The following SESTD1 variants were observed in gnomAD, a reference collection of about 807,000 sequenced individuals.
SESTD1 encodes SEC14 domain and spectrin repeat-containing protein 1.
SESTD1 carries 43 observed loss-of-function variants against 101.7 expected under a neutral mutation model. That is an observed-to-expected ratio of 0.42 (90% CI 0.33 to 0.55). The LOEUF (loss-of-function observed/expected upper bound fraction) is 0.55. SESTD1 is among the 20% of genes least tolerant of loss of function. The pLI is 0.07. For missense variants in SESTD1, 647 were observed against 815.1 expected (o/e 0.79, Z 2.51); for synonymous variants, 283 against 286.8 (o/e 0.99, Z 0.13).
chr2:179,255,909 C>A (rs1475071858), intron 1 of SESTD1, among the ~76,000 whole-genome samples: 1 of 152,166 alleles, frequency 6.6e-6, no homozygotes, highest in Non-Finnish European at 1.5e-5. Flanking sequence ...TGACTGAAAT[C>A]TACTCAGTCT....
chr2:179,163,678 A>G (rs1300354016), intron 5 of SESTD1, among the ~76,000 whole-genome samples: 1 of 152,008 alleles, frequency 6.6e-6, no homozygotes, highest in African/African-American at 2.4e-5. Flanking sequence ...ATAAAGCCCT[A>G]CATAAATATT....
In SESTD1 at chr2:179,215,178, C is replaced by CA. The variant is rs571297600; in HGVS notation, c.-25-23313dup. On this transcript the variant is annotated intron_variant, in intron 1 of 17. Transcript: ENST00000428443. Reference sequence around the variant, plus strand: ...GGAGATAGAGACACAAAAAAACCTTCAAAAAAATCAATGAATGCAGGAGCT... The same window carrying CA: ...GGAGATAGAGACACAAAAAAACCTTCAAAAAAAATCAATGAATGCAGGAGCT... Among the ~76,000 whole-genome samples, 375 of 134,032 alleles carry CA rather than the reference C, an allele frequency of 2.8e-3. 61 individuals carry two copies. The highest frequency in any genetic ancestry group is 4.7e-3 in the Admixed American group (65 of 13,814). The allele number at this position is 134,032 out of a possible 152,430, so 87.9% of individuals were successfully genotyped here.
rs2045111366 is a variant in SESTD1 at position 179,135,167 on chromosome 2, ACTCCTGAC to A, written c.850-2749_850-2742del. Reference sequence around the variant, plus strand: ...ACCATCTTGGCCAGGCTGGTCTCAAACTCCTGACCTCGTGATGCACCTGCCTCGGCCTC... The same window carrying A: ...ACCATCTTGGCCAGGCTGGTCTCAAACTCGTGATGCACCTGCCTCGGCCTC... On this transcript the variant is annotated intron_variant, in intron 9 of 17. Transcript: ENST00000428443. 2.0e-5 allele frequency among the ~76,000 whole-genome samples: 3 copies of A among 151,764 alleles called. No homozygotes were observed. The South Asian group carries it at 6.3e-4, about 32-fold the overall frequency.
chr2:179,217,581 G>T (rs1269878043), intron 1 of SESTD1, among the ~76,000 whole-genome samples: 1 of 152,110 alleles, frequency 6.6e-6, no homozygotes, highest in African/African-American at 2.4e-5. Context: ...ATTCCTCAAG[G>T]ATCTAGAACT....
At chr2:179,244,739 T>C (rs951981937) in intron 1 of SESTD1, among the ~76,000 whole-genome samples, 1 of 151,854 alleles carries the variant, frequency 6.6e-6, no homozygotes, top group African/African-American at 2.4e-5. Context: ...CAAAAAAAGG[T>C]AGTTAAGCAA....
intron 5 of SESTD1, 27 bp from the exon 6 acceptor site, chr2:179,151,418 C>T (rs1408240499): frequency 6.6e-7 from 1 of 1,519,590 alleles, no homozygotes. Context: ...AGAAAAGAAA[C>T]ATTTAGTAAC....
Position 179,215,793 on chromosome 2 carries a change from CTAT to C in SESTD1, c.-25-23930_-25-23928del, listed in dbSNP as rs576791991. Among the ~76,000 whole-genome samples, 30 of 135,284 alleles carry C rather than the reference CTAT, an allele frequency of 2.2e-4. 5 individuals carry two copies. In the South Asian group the frequency reaches 7.6e-3, roughly 34 times the overall value. The allele number at this position is 135,284 out of a possible 152,430, so 88.8% of individuals were successfully genotyped here. A position where few individuals can be genotyped will look rare whatever the true frequency, so the allele number is the denominator to read the frequency against. Reference sequence around the variant, plus strand: ...CAGCACATCAATAGCTAATCCACCACTATCAAGTTGGCTTCATCCCTGAGATGC... The same window carrying C: ...CAGCACATCAATAGCTAATCCACCACCAAGTTGGCTTCATCCCTGAGATGC... On this transcript the variant is annotated intron_variant, in intron 1 of 17. Coordinates refer to ENST00000428443, the MANE Select transcript of SESTD1 (RefSeq NM_178123.5).
chr2:179,115,280 A>T, intron 15 of SESTD1, 24 bp from the exon 16 acceptor site: 1 of 1,532,788 alleles, frequency 6.5e-7, no homozygotes, highest in Non-Finnish European at 8.8e-7. Flanking sequence ...GGAAACATAA[A>T]ATTGTAATAA....
intron 9 of SESTD1, among the ~76,000 whole-genome samples, chr2:179,132,990 A>G (rs982213454): frequency 6.6e-6 from 1 of 152,218 alleles, no homozygotes; most frequent in Non-Finnish European, 1.5e-5. Context: ...CTTCAAAAAT[A>G]AAATTAAAAA....
chr2:179,211,360 G>T (rs2046649089), intron 1 of SESTD1, among the ~76,000 whole-genome samples: 1 of 133,244 alleles, frequency 7.5e-6, no homozygotes, highest in South Asian at 2.8e-4. Flanking sequence ...AGCCAAAGAA[G>T]ACTAAGCAAA....
At chr2:179,197,633 G>A (rs2046423955) in intron 1 of SESTD1, among the ~76,000 whole-genome samples, 1 of 152,240 alleles carries the variant, frequency 6.6e-6, no homozygotes, top group South Asian at 2.1e-4. Context: ...CTACAAGCCA[G>A]AAGAGAGTGG....
At chr2:179,214,246 T>A (rs372288308) in intron 1 of SESTD1, among the ~76,000 whole-genome samples, 1 of 133,924 alleles carries the variant, frequency 7.5e-6, no homozygotes, top group Non-Finnish European at 1.6e-5. Context: ...ATCTCACATG[T>A]AGAGGCACAC....
At position 179,208,100 on chromosome 2, in the gene SESTD1, T is replaced by C. The variant is rs755574829; in HGVS notation, c.-25-16234A>G. Among the ~76,000 whole-genome samples the C allele has an allele frequency of 2.2e-5, 3 of 133,340 alleles. 1 individual carries two copies. Among genetic ancestry groups the C allele is most frequent in the African/African-American group, 5.9e-5 (2 of 33,734 alleles). 87.5% of individuals were successfully genotyped at this position (133,340 alleles called of 152,430 possible). On this transcript the variant is annotated intron_variant, in intron 1 of 17. Transcript: ENST00000428443. ...AAAATACACTGGAAAGTTCCAACAA[T>C]AGAATTGAACAAGTAGAAGAAAGGA...
At chr2:179,120,339 C>T (rs910915913) in intron 13 of SESTD1, among the ~76,000 whole-genome samples, 9 of 152,236 alleles carry the variant, frequency 5.9e-5, no homozygotes, top group Middle Eastern at 3.4e-3. Context: ...ATCCCGCAGG[C>T]GACACTAAGT....
chr2:179,168,185 T>C (rs1035166992), intron 5 of SESTD1, among the ~76,000 whole-genome samples: 1 of 152,174 alleles, frequency 6.6e-6, no homozygotes, highest in African/African-American at 2.4e-5. Flanking sequence ...CTCCACTTCC[T>C]CTTCCTCCTC....
intron 1 of SESTD1, among the ~76,000 whole-genome samples, chr2:179,226,744 A>G (rs972466208): frequency 5.3e-5 from 8 of 152,218 alleles, no homozygotes; most frequent in African/African-American, 1.9e-4. Flanking sequence ...AGTCAATAAA[A>G]CCAAAATAGT....
At position 179,107,855 on chromosome 2, in the gene SESTD1, T is replaced by A. The variant is rs1432647231; in HGVS notation, c.*2044A>T. On this transcript the variant is annotated 3_prime_UTR_variant, in exon 18 of 18. Coordinates refer to ENST00000428443, the MANE Select transcript of SESTD1 (RefSeq NM_178123.5). ...GATAGCACCATCATGAAGACTGAAATAAATAATCACAAAAGTTCATACTCA... is the reference window on the plus strand; with the variant it reads ...GATAGCACCATCATGAAGACTGAAAAAAATAATCACAAAAGTTCATACTCA... 1 of 151,870 alleles carries A rather than the reference T, an allele frequency of 6.6e-6. No individual in the cohort carries two copies. Among genetic ancestry groups the A allele is most frequent in the African/African-American group, 2.4e-5 (1 of 41,266 alleles). 9.4% of individuals were successfully genotyped at this position (151,870 alleles called of 1,614,324 possible). A position where few individuals can be genotyped will look rare whatever the true frequency, so the allele number is the denominator to read the frequency against.
intron 13 of SESTD1, 71 bp downstream of exon 13, chr2:179,121,699 A>T (rs2044754736): frequency 1.5e-6 from 2 of 1,351,122 alleles, no homozygotes; most frequent in African/African-American, 3.0e-5. Flanking sequence ...TGTATATAAA[A>T]TGTTATATAA....
rs150273915 is a variant in SESTD1, at chr2:179,172,387, T to C, written c.256-154A>G. Among the ~76,000 whole-genome samples, 1,448 of 152,172 alleles carry C rather than the reference T, an allele frequency of 9.5e-3. 13 individuals are homozygous for C. The highest frequency in any genetic ancestry group is 0.015 in the Non-Finnish European group (1,013 of 67,974). On this transcript the variant is annotated intron_variant, in intron 4 of 17. Transcript: ENST00000428443. ...AAGAAATTCTCTAGACTTCAAAACA[T>C]ACATGGCAATAAAGAAGAACTTGAA...
Sources: gnomAD v4.1 joint callset for allele counts (sites outside exome capture counted in the v4.1 genomes callset) on GRCh38, gnomAD v4.1.1 for gene constraint, MANE v1.5 for transcripts, NCBI Gene and HGNC (gene_info 2026-07-23, HGNC 2026-07-21) for gene names.